Variants in VPS8 observed in about 807,000 individuals in gnomAD.
VPS8 encodes the protein vacuolar protein sorting-associated protein 8 homolog.
VPS8 carries 129 observed loss-of-function variants against 216.4 expected under a neutral mutation model. The ratio of observed to expected loss-of-function variants is 0.60; its 90% CI spans 0.52 to 0.69. VPS8 has a LOEUF of 0.69. Ranked by LOEUF, VPS8 falls within the 30% of genes least tolerant of loss-of-function variation. The pLI, the probability that VPS8 is intolerant of heterozygous loss-of-function variation, is 0.00. For missense variants in VPS8, 1,531 were observed against 1,683.5 expected (o/e 0.91, Z 1.59); for synonymous variants, 571 against 565.4 (o/e 1.01, Z -0.14).
At chr3:184,912,398 G>A (rs904966753) in intron 25 of VPS8, among the ~76,000 whole-genome samples, 1 of 152,160 alleles carries the variant, frequency 6.6e-6, no homozygotes, top group Non-Finnish European at 1.5e-5. Flanking sequence ...GGGTGAGGGA[G>A]GCCAGCTGGG....
rs1752171896 is a variant in VPS8 at position 184,993,360 on chromosome 3, T to TTG, written c.3586-623_3586-622insTG. On this transcript the variant is annotated intron_variant, in intron 42 of 47. Coordinates refer to ENST00000625842, the MANE Select transcript of VPS8 (RefSeq NM_001009921.3). The stretch of plus-strand genomic sequence containing the variant: ...GTTTTTTGTTTTGTTTTTTGTTTTT[T>TTG]GGGTTTTTTTTTTGTACACTTCAGT... 1.4e-4 allele frequency among the ~76,000 whole-genome samples: 21 copies of TTG among 151,412 alleles called. No individual in the cohort carries two copies. In the South Asian group the frequency reaches 1.5e-3, roughly 11 times the overall value.
intron 36 of VPS8, among the ~76,000 whole-genome samples, chr3:184,950,216 CTTTTTTTTTTTTTTT>C (rs10700220): frequency 2.5e-5 from 1 of 39,930 alleles, no homozygotes; most frequent in African/African-American, 1.0e-4. Context: ...CAGTTTTCTG[CTTTTTTTTTTTTTTT>C]TTTTTTTTTT....
chr3:184,886,624 G>A (rs539431794), intron 22 of VPS8, among the ~76,000 whole-genome samples: 3 of 151,006 alleles, frequency 2.0e-5, no homozygotes, highest in African/African-American at 7.3e-5. Flanking sequence ...CTGTCACCCA[G>A]GCTGGAGTGC....
intron 45 of VPS8, among the ~76,000 whole-genome samples, chr3:185,006,923 A>G (rs1473920981): frequency 1.3e-5 from 2 of 152,214 alleles, no homozygotes; most frequent in Non-Finnish European, 2.9e-5. Flanking sequence ...CCAACTCTAC[A>G]GGATGCAATA....
Position 185,024,403 on chromosome 3 carries a change from A to G in VPS8, c.4056+14A>G. 6.3e-7 allele frequency: 1 copy of G among 1,586,838 alleles called. No homozygotes were observed. The highest frequency in any genetic ancestry group is 8.6e-7 in the Non-Finnish European group (1 of 1,165,080). ...ACTGCTAAAAAGGTGAGTTTGTTTT[A>G]AAGGCAAAAAACCAGTTCTTCCTTC... On this transcript the variant is annotated intron_variant, in intron 46 of 47. Coordinates refer to ENST00000625842, the MANE Select transcript of VPS8 (RefSeq NM_001009921.3).
chr3:184,914,880 C>G (rs1737239068), intron 26 of VPS8, 101 bp from the exon 27 acceptor site: 2 of 1,186,500 alleles, frequency 1.7e-6, no homozygotes, highest in African/African-American at 1.5e-5. Flanking sequence ...AGCCTACTTA[C>G]AAATTGAACT....
intron 25 of VPS8, among the ~76,000 whole-genome samples, chr3:184,910,500 A>G (rs551635521): frequency 1.4e-4 from 21 of 152,238 alleles, no homozygotes; most frequent in African/African-American, 4.8e-4. Context: ...TCCTCACTCC[A>G]AAACCTTCAG....
chr3:184,959,526 G>A (rs893433264), intron 37 of VPS8, among the ~76,000 whole-genome samples: 6 of 151,844 alleles, frequency 4.0e-5, no homozygotes, highest in South Asian at 2.1e-4. Flanking sequence ...AATAGCCACC[G>A]CCCCCCACCA....
At chr3:184,926,258 T>G (rs1354457133) in intron 30 of VPS8, among the ~76,000 whole-genome samples, 1 of 151,710 alleles carries the variant, frequency 6.6e-6, no homozygotes, top group African/African-American at 2.4e-5. Flanking sequence ...GCACCTGTAG[T>G]CCCAGCTACT....
chr3:184,897,330 TGA>T (rs1048977568), intron 23 of VPS8, among the ~76,000 whole-genome samples: 9 of 152,030 alleles, frequency 5.9e-5, no homozygotes, highest in African/African-American at 2.2e-4. Flanking sequence ...TATGAGGGTG[TGA>T]GAGTGTGGGA....
rs60611503 is a variant in VPS8 at position 184,891,220 on chromosome 3, C to G, written c.1782-3483C>G. Among the ~76,000 whole-genome samples the G allele has an allele frequency of 4.4e-3, 665 of 152,248 alleles. 7 individuals are homozygous for G. The highest frequency in any genetic ancestry group is 0.015 in the African/African-American group (624 of 41,560). On this transcript the variant is annotated intron_variant, in intron 22 of 47. Transcript: ENST00000625842. ...CCACAGTTGTTAAGAAGCCATCGTT[C>G]CAATGGCTTGTGTTATGTATGCATC...
chr3:184,839,954 T>C, intron 7 of VPS8: 1 of 1,294,364 alleles, frequency 7.7e-7, no homozygotes, highest in South Asian at 1.8e-5. Flanking sequence ...GTTTATTTTC[T>C]TCTTCATGAA....
intron 36 of VPS8, among the ~76,000 whole-genome samples, chr3:184,944,980 TA>T (rs1325794035): frequency 1.3e-5 from 2 of 151,812 alleles, no homozygotes; most frequent in Admixed American, 6.6e-5. Context: ...TTTGACATAT[TA>T]AAAAAAATAC....
At chr3:184,936,217 G>A in intron 34 of VPS8, 29 bp from the exon 35 acceptor site, 1 of 1,566,894 alleles carries the variant, frequency 6.4e-7, no homozygotes, top group Non-Finnish European at 8.7e-7. Flanking sequence ...AGCCATTAGA[G>A]ATGGCTTTGT....
chr3:184,982,846 G>A (rs1750438591), intron 41 of VPS8, among the ~76,000 whole-genome samples, 166 bp from the exon 42 acceptor site: 1 of 152,054 alleles, frequency 6.6e-6, no homozygotes, highest in Non-Finnish European at 1.5e-5. Flanking sequence ...TTAAGTAATT[G>A]TAGTCTTTGT....
intron 31 of VPS8, among the ~76,000 whole-genome samples, chr3:184,927,923 A>G (rs1739967431): frequency 6.6e-6 from 1 of 152,220 alleles, no homozygotes. Flanking sequence ...ACTGAACAGT[A>G]TTCCGTTGTA....
intron 28 of VPS8, 99 bp downstream of exon 28, chr3:184,915,573 C>T (rs776612180): frequency 6.3e-4 from 822 of 1,302,182 alleles, no homozygotes; most frequent in Non-Finnish European, 8.0e-4. Flanking sequence ...AACACTTTGG[C>T]CGAGGCAGGC....
chr3:184,839,301 C>A, intron 6 of VPS8: 1 of 192,882 alleles, frequency 5.2e-6, no homozygotes, highest in Non-Finnish European at 1.0e-5. Context: ...GGCTTTAGGC[C>A]CCTGCGGATA....
intron 46 of VPS8, among the ~76,000 whole-genome samples, chr3:185,040,349 G>A (rs1327473813): frequency 6.6e-6 from 1 of 152,122 alleles, no homozygotes; most frequent in Non-Finnish European, 1.5e-5. Flanking sequence ...TTCCATCTTT[G>A]GAAGCTCTAA....
Sources: gnomAD v4.1 joint callset for allele counts (sites outside exome capture counted in the v4.1 genomes callset) on GRCh38, gnomAD v4.1.1 for gene constraint, MANE v1.5 for transcripts, NCBI Gene and HGNC (gene_info 2026-07-23, HGNC 2026-07-21) for gene names.